The following PSD variants were observed in gnomAD, a reference collection of about 807,000 sequenced individuals.
PSD encodes the protein pleckstrin and Sec7 domain containing.
PSD carries 32 observed loss-of-function variants against 91.6 expected under a neutral mutation model. That is an observed-to-expected ratio of 0.35 (90% confidence interval 0.26 to 0.47). The LOEUF (loss-of-function observed/expected upper bound fraction) is 0.47. Among genes scored for constraint, PSD ranks in the 20% least tolerant of loss-of-function variants. The probability of loss-of-function intolerance (pLI) is 1.00; values close to 1 mark genes in which losing one functional copy is unlikely to be tolerated. For synonymous variants in PSD, 532 were observed against 569.3 expected (o/e 0.93, Z 0.93); for missense variants, 1,099 against 1,373.9 (o/e 0.80, Z 3.16).
At position 102,414,086 on chromosome 10, in the gene PSD, T is replaced by C; in HGVS notation, c.1236A>G (p.Ser412=). ...FSCVFEAILE[S]HRAKGTSYTS... The stretch of plus-strand genomic sequence containing the variant: ...TATAGGAGGTGCCTTTGGCCCGGTG[T>C]GACTCCAGGATGGCTTCGAACACAC... The change falls in exon 5 of 17, where the codon TCA becomes TCG. Residue 412 remains serine, a synonymous_variant. Transcript: ENST00000020673. This position sits in a 1 kb window ranked among gnomAD's most constrained non-coding sequence, Gnocchi z 5.6. 1.2e-6 allele frequency: 2 copies of C among 1,614,118 alleles called. No homozygotes were observed. The highest frequency in any genetic ancestry group is 1.7e-6 in the Non-Finnish European group (2 of 1,179,972).
In PSD at chr10:102,415,019, C is replaced by A. The variant is rs1443385864; in HGVS notation, c.968G>T (p.Gly323Val). The change falls in exon 4 of 17, where the codon GGC becomes GTC. Residue 323 changes from glycine (G) to valine (V), a missense_variant. Gly to Val is a moderately radical substitution (Grantham distance 109, BLOSUM62 -3). Coordinates refer to ENST00000020673, the MANE Select transcript of PSD (RefSeq NM_002779.5). ...AGGTGGGTAGGCAGTGCCTGGTGGG[C>A]CCTCAGAGCTGGGCTGACTTTCGAT... ...SAIESQPSSE[G>V]PPGTAYPPAP... The A allele has an allele frequency of 2.5e-6, 4 of 1,611,578 alleles. No homozygotes were observed. In the African/African-American group the frequency reaches 4.0e-5, roughly 16 times the overall value.
rs2061293221 is a variant in PSD, at chr10:102,402,739, T to G, written c.*461A>C. ...GTATGGGGCCTTGGCATGGACGCCC[T>G]TCCTCCACCTCCAGCAAGAGAAAGA... On this transcript the variant is annotated 3_prime_UTR_variant, in exon 17 of 17. Transcript: ENST00000020673. 3 of 268,502 alleles carry G rather than the reference T, an allele frequency of 1.1e-5. No individual in the cohort carries two copies. In the South Asian group the frequency reaches 4.0e-4, roughly 36 times the overall value. The allele number at this position is 268,502 out of a possible 1,614,324, so 16.6% of individuals were successfully genotyped here.
chr10:102,405,902 C>T lies in PSD; in HGVS notation c.2136-366G>A, dbSNP rs1006357218. The T allele has an allele frequency of 2.7e-5, 6 of 226,230 alleles. No homozygotes were observed. The East Asian group carries it at 2.8e-4, about 11-fold the overall frequency. The allele number at this position is 226,230 out of a possible 1,614,324, so 14.0% of individuals were successfully genotyped here. A position where few individuals can be genotyped will look rare whatever the true frequency, so the allele number is the denominator to read the frequency against. Reference sequence around the variant, plus strand: ...CACATCCAGCCCCAGGCTTTGCTCACGGTTTGTGGGCTAAATGGTAGCAGA... The same window carrying T: ...CACATCCAGCCCCAGGCTTTGCTCATGGTTTGTGGGCTAAATGGTAGCAGA... On this transcript the variant is annotated intron_variant, in intron 11 of 16. Transcript: ENST00000020673. The surrounding 1 kb of genome is among the most constrained non-coding windows in gnomAD (Gnocchi z 5.4).
rs929884332 is a variant in PSD at position 102,409,654 on chromosome 10, C to T, written c.2091+1204G>A. ...TCATCCAGCTCACCCGCAGATACCC[C>T]ACCCATATATAGATCTGAAGTCACG... On this transcript the variant is annotated intron_variant, in intron 10 of 16. Transcript: ENST00000020673. The surrounding 1 kb of genome is among the most constrained non-coding windows in gnomAD (Gnocchi z 5.7). Among the ~76,000 whole-genome samples, 2 of 152,112 alleles carry T rather than the reference C, an allele frequency of 1.3e-5. No individual in the cohort carries two copies. The highest frequency in any genetic ancestry group is 4.8e-5 in the African/African-American group (2 of 41,406).
intron 5 of PSD, 27 bp downstream of exon 5, chr10:102,413,742 G>A: frequency 2.5e-6 from 4 of 1,584,316 alleles, no homozygotes; most frequent in Non-Finnish European, 3.4e-6. Flanking sequence ...GGGGCCTCAA[G>A]TCTGAGGGAC....
At position 102,405,637 on chromosome 10, in the gene PSD, G is replaced by A. The variant is rs2061352227; in HGVS notation, c.2136-101C>T. The stretch of plus-strand genomic sequence containing the variant: ...CTGGAAAAGCTCCCCCAGTGTTTGT[G>A]GCTTGGGGGGCTCAACCTGAGGGTC... On this transcript the variant is annotated intron_variant, in intron 11 of 16. Transcript: ENST00000020673. The surrounding 1 kb of genome is among the most constrained non-coding windows in gnomAD (Gnocchi z 5.4). 1 of 1,120,734 alleles carries A rather than the reference G, an allele frequency of 8.9e-7. No homozygotes were observed. The highest frequency in any genetic ancestry group is 1.2e-6 in the Non-Finnish European group (1 of 800,908). The allele number at this position is 1,120,734 out of a possible 1,614,324, so 69.4% of individuals were successfully genotyped here.
rs374036936 is a variant in PSD at position 102,415,041 on chromosome 10, C to T, written c.946G>A (p.Glu316Lys). ...GGGCCCTCAGAGCTGGGCTGACTTT[C>T]GATGGCCGAGTCGGCCTCCTCCCGC... is the stretch of plus-strand genomic sequence containing the variant. ...AEREEADSAI[E>K]SQPSSEGPPG... is the part of the protein sequence containing the mutation. Residue 316 changes from glutamate (E) to lysine (K), a missense_variant, in exon 4 of 17, where the codon GAA becomes AAA. Coordinates refer to ENST00000020673, the MANE Select transcript of PSD (RefSeq NM_002779.5). 8.7e-6 allele frequency: 14 copies of T among 1,613,710 alleles called. No homozygotes were observed. The African/African-American group carries it at 1.3e-4, about 15-fold the overall frequency.
rs2061415193 is a variant in PSD, at chr10:102,410,598, T to C, written c.2091+260A>G. 6.6e-6 allele frequency among the ~76,000 whole-genome samples: 1 copy of C among 152,120 alleles called. No homozygotes were observed. The highest frequency in any genetic ancestry group is 2.1e-4 in the South Asian group (1 of 4,832). ...AAACGCAGGGGCCGGGGCCGCCTGC[T>C]CGCGTTTTCCAGAGCCGGGTCCCCT... On this transcript the variant is annotated intron_variant, in intron 10 of 16. Transcript: ENST00000020673. This position sits in a 1 kb window ranked among gnomAD's most constrained non-coding sequence, Gnocchi z 6.0.
At position 102,403,326 on chromosome 10, in the gene PSD, T is replaced by G; in HGVS notation, c.2949A>C (p.Thr983=). ...VEAALAQAGS[T]EDGLPPSHSS... ...AGTGAGAAGGAGGGAGTCCATCCTC[T>G]GTGCTCCCGGCCTGGGCCAGTGCTG... The change falls in exon 17 of 17, where the codon ACA becomes ACC. Residue 983 remains threonine (T), a synonymous_variant. Transcript: ENST00000020673. The surrounding 1 kb of genome is among the most constrained non-coding windows in gnomAD (Gnocchi z 6.7). The G allele has an allele frequency of 6.2e-7, 1 of 1,614,106 alleles. No individual in the cohort carries two copies. The highest frequency in any genetic ancestry group is 1.1e-5 in the South Asian group (1 of 91,092).
chr10:102,416,454 C>A lies in PSD; in HGVS notation c.585G>T (p.Gly195=). 1.2e-6 allele frequency: 2 copies of A among 1,613,042 alleles called. No individual in the cohort carries two copies. The highest frequency in any genetic ancestry group is 1.7e-6 in the Non-Finnish European group (2 of 1,179,546). The change falls in exon 2 of 17, where the codon GGG becomes GGT. Residue 195 remains glycine, a synonymous_variant. Transcript: ENST00000020673. The surrounding 1 kb of genome is among the most constrained non-coding windows in gnomAD (Gnocchi z 6.0). ...CCAGGCGCTCAGGGGGGCCCCCCAG[C>A]CCATTGGGGAGAGAGGAGTAAAGGC... ...ADGLYSSLPN[G]LGGPPERLAT...
chr10:102,411,906 C>T lies in PSD; in HGVS notation c.1830-87G>A, dbSNP rs550177555. 5.0e-5 allele frequency: 52 copies of T among 1,042,210 alleles called. No homozygotes were observed. The South Asian group carries it at 5.8e-4, about 12-fold the overall frequency. 64.6% of individuals were successfully genotyped at this position (1,042,210 alleles called of 1,614,324 possible). On this transcript the variant is annotated intron_variant, in intron 7 of 16. Coordinates refer to ENST00000020673, the MANE Select transcript of PSD (RefSeq NM_002779.5). ...GTGACAGGAGGCTTTGAGAGTACAG[C>T]AGCTGGGGTGGGAAGGGGAGGAGAG...
At chr10:102,407,486 AG>A (rs888716781) in intron 10 of PSD, among the ~76,000 whole-genome samples, 1 of 152,224 alleles carries the variant, frequency 6.6e-6, no homozygotes, top group Non-Finnish European at 1.5e-5. Context: ...GAACAAACGT[AG>A]TAACATGTGG....
Position 102,405,185 on chromosome 10 carries a change from T to C in PSD, c.2395A>G (p.Lys799Glu), listed in dbSNP as rs746030104. 6.2e-7 allele frequency: 1 copy of C among 1,610,982 alleles called. No homozygotes were observed. Among genetic ancestry groups the C allele is most frequent in the East Asian group, 2.2e-5 (1 of 44,866 alleles). The change falls in exon 13 of 17, where the codon AAG becomes GAG. Residue 799 changes from lysine to glutamate, a missense_variant and splice_region_variant. Lys to Glu is a moderately conservative substitution (Grantham distance 56). Transcript: ENST00000020673. The surrounding 1 kb of genome is among the most constrained non-coding windows in gnomAD (Gnocchi z 5.4). ...AGCCCCCTGGCCTGACCCCGCACCT[T>C]CTGCAGGTAGAGGATCATGCCCTTG... ...ILKGMILYLQKEEYKPGKALS... is the reference protein window; with the variant it reads ...ILKGMILYLQEEEYKPGKALS...
intron 3 of PSD, among the ~76,000 whole-genome samples, chr10:102,415,482 AT>A: frequency 6.6e-6 from 1 of 151,796 alleles, no homozygotes; most frequent in East Asian, 1.9e-4. Context: ...TTATTTATTT[AT>A]TTATTTTGAG....
intron 5 of PSD, among the ~76,000 whole-genome samples, chr10:102,413,009 G>C (rs540073972): frequency 6.6e-6 from 1 of 152,198 alleles, no homozygotes; most frequent in Non-Finnish European, 1.5e-5. Flanking sequence ...ATACTGGTCC[G>C]AAGGCTTTCC....
Position 102,414,520 on chromosome 10 carries a change from G to A in PSD, c.1125-323C>T, listed in dbSNP as rs1048557475. ...CTTAGGAGAAGATGAGGCTCCAAGC[G>A]ACACTGGGGTGTGAGACGGAAAGGA... On this transcript the variant is annotated intron_variant, in intron 4 of 16. Coordinates refer to ENST00000020673, the MANE Select transcript of PSD (RefSeq NM_002779.5). The surrounding 1 kb of genome is among the most constrained non-coding windows in gnomAD (Gnocchi z 5.6). 5.3e-5 allele frequency among the ~76,000 whole-genome samples: 8 copies of A among 152,094 alleles called. No individual in the cohort carries two copies. The highest frequency in any genetic ancestry group is 1.9e-4 in the African/African-American group (8 of 41,492).
rs773882090 is a variant in PSD at position 102,409,977 on chromosome 10, G to A, written c.2091+881C>T. ...TACAAACCCTTGATTCACGACGCCCGGGCACACAGATGCAACTCAACTCAA... is the reference window on the plus strand; with the variant it reads ...TACAAACCCTTGATTCACGACGCCCAGGCACACAGATGCAACTCAACTCAA... On this transcript the variant is annotated intron_variant, in intron 10 of 16. Coordinates refer to ENST00000020673, the MANE Select transcript of PSD (RefSeq NM_002779.5). This position sits in a 1 kb window ranked among gnomAD's most constrained non-coding sequence, Gnocchi z 5.7. Among the ~76,000 whole-genome samples the A allele has an allele frequency of 2.0e-5, 3 of 151,976 alleles. No individual in the cohort carries two copies. Among genetic ancestry groups the A allele is most frequent in the East Asian group, 1.9e-4 (1 of 5,188 alleles).
chr10:102,415,197 G>A lies in PSD; in HGVS notation c.790C>T (p.Pro264Ser), dbSNP rs983141949. The change falls in exon 4 of 17, where the codon CCA becomes TCA. Residue 264 changes from proline to serine, a missense_variant. This residue lies in a region of PSD where 631 missense variants were observed against 728.8 expected (regional missense o/e 0.87). Transcript: ENST00000020673. ...AKPPEQAPPSPPGVGSRQGSG... is the reference protein window; with the variant it reads ...AKPPEQAPPSSPGVGSRQGSG... ...CCCTGCCTTGAGCCCACCCCAGGTG[G>A]AGATGGGGGGGCCTGCTCTGGGGGC... The A allele has an allele frequency of 6.2e-7, 1 of 1,611,772 alleles. No individual in the cohort carries two copies. The highest frequency in any genetic ancestry group is 1.3e-5 in the African/African-American group (1 of 74,934).
chr10:102,418,594 G>T, intron 1 of PSD, 107 bp downstream of exon 1: 2 of 401,958 alleles, frequency 5.0e-6, no homozygotes, highest in African/African-American at 2.0e-5. Context: ...ATGCAGGGGA[G>T]GGGCAGAGGT....
Sources: gnomAD v4.1 joint callset for allele counts (sites outside exome capture counted in the v4.1 genomes callset) on GRCh38, gnomAD v4.1.1 for gene constraint, gnomAD v4.1.1 regional missense constraint, Gnocchi (gnomAD v3.1) non-coding constraint, MANE v1.5 for transcripts, NCBI Gene and HGNC (gene_info 2026-07-23, HGNC 2026-07-21) for gene names.